NSD2: variants seen among roughly 807,000 people sequenced by gnomAD.
The protein encoded by NSD2 is histone-lysine N-methyltransferase NSD2.
NSD2 carries 12 observed loss-of-function variants against 139.0 expected under a neutral mutation model. The observed-to-expected ratio is 0.09, with a 90% CI of 0.06 to 0.14. The LOEUF is 0.14. Among genes scored for constraint, NSD2 ranks in the 10% least tolerant of loss-of-function variants. The probability of loss-of-function intolerance (pLI) is 1.00; values close to 1 mark genes in which losing one functional copy is unlikely to be tolerated. For missense variants in NSD2, 1,155 were observed against 1,745.0 expected, an observed-to-expected ratio of 0.66 and a Z score of 6.02; for synonymous variants, 669 against 648.7, an observed-to-expected ratio of 1.03 and a Z score of -0.48.
chr4:1,880,268 A>G (rs1714604556), intron 1 of NSD2, among the ~76,000 whole-genome samples: 1 of 152,144 alleles, frequency 6.6e-6, no homozygotes, highest in Non-Finnish European at 1.5e-5. Context: ...GATGTCAAGT[A>G]ACTGATCCAA....
chr4:1,916,330 C>G (rs1425379592), intron 3 of NSD2, among the ~76,000 whole-genome samples: 1 of 152,052 alleles, frequency 6.6e-6, no homozygotes, highest in African/African-American at 2.4e-5. Flanking sequence ...TAGCTTTTTT[C>G]TTTTTCTTTT....
chr4:1,970,730 A>AG (rs1726373495), intron 18 of NSD2, among the ~76,000 whole-genome samples: 1 of 152,084 alleles, frequency 6.6e-6, no homozygotes, highest in Admixed American at 6.5e-5. Flanking sequence ...CGGTTGAGGG[A>AG]GGGGGTCCAG....
intron 1 of NSD2, among the ~76,000 whole-genome samples, chr4:1,878,096 T>C (rs1714395311): frequency 6.6e-6 from 1 of 150,784 alleles, no homozygotes; most frequent in African/African-American, 2.4e-5. Flanking sequence ...AGTCTAACTC[T>C]GTCACCCAGG....
chr4:1,919,839 G>A (rs1719887146), intron 5 of NSD2, among the ~76,000 whole-genome samples: 1 of 152,080 alleles, frequency 6.6e-6, no homozygotes. Context: ...AGGAGGCTGA[G>A]GCAGGAAAAT....
chr4:1,969,935 G>C (rs527722073), intron 18 of NSD2, among the ~76,000 whole-genome samples: 1 of 152,310 alleles, frequency 6.6e-6, no homozygotes, highest in South Asian at 2.1e-4. Flanking sequence ...TCTAAGCAAA[G>C]CCTAAACCTC....
At chr4:1,939,342 G>C in intron 8 of NSD2, 1 of 348,104 alleles carries the variant, frequency 2.9e-6, no homozygotes, top group Non-Finnish European at 5.4e-6. Flanking sequence ...ACTTCTTATG[G>C]ATGAAATGAT....
intron 1 of NSD2, among the ~76,000 whole-genome samples, chr4:1,885,297 G>A (rs946285514): frequency 1.3e-5 from 2 of 152,096 alleles, no homozygotes; most frequent in African/African-American, 4.8e-5. Context: ...TCAGTAAAGG[G>A]CAGAAACAAG....
At chr4:1,947,446 C>T (rs953555514) in intron 9 of NSD2, 2 of 1,059,154 alleles carry the variant, frequency 1.9e-6, no homozygotes, top group East Asian at 5.2e-5. Flanking sequence ...TTCTCAGAGA[C>T]TCACCCCCAG....
intron 1 of NSD2, among the ~76,000 whole-genome samples, chr4:1,899,865 G>A (rs1017792371): frequency 6.6e-6 from 1 of 152,216 alleles, no homozygotes; most frequent in Non-Finnish European, 1.5e-5. Flanking sequence ...TTAATCTTCA[G>A]GTAGTAGCTA....
In NSD2 at chr4:1,948,708, T is replaced by G. The variant is rs1189615163; in HGVS notation, c.1882-2364T>G. ...ATATATTTCCATTCAAAATATGTATTCAGTGTTTATTTCCTCAAAACAGAC... is the reference window on the plus strand; with the variant it reads ...ATATATTTCCATTCAAAATATGTATGCAGTGTTTATTTCCTCAAAACAGAC... On this transcript the variant is annotated intron_variant, in intron 9 of 21. Transcript: ENST00000508803. This position sits in a 1 kb window ranked among gnomAD's most constrained non-coding sequence, Gnocchi z 4.5. The G allele has an allele frequency of 9.5e-7, 1 of 1,053,228 alleles. No individual in the cohort carries two copies. Among genetic ancestry groups the G allele is most frequent in the Non-Finnish European group, 1.1e-6 (1 of 870,674 alleles). 65.2% of individuals were successfully genotyped at this position (1,053,228 alleles called of 1,614,324 possible). A position where few individuals can be genotyped will look rare whatever the true frequency, so the allele number is the denominator to read the frequency against.
intron 9 of NSD2, chr4:1,943,314 A>T (rs1168546305): frequency 9.6e-7 from 1 of 1,043,796 alleles, no homozygotes; most frequent in Non-Finnish European, 1.2e-6. Flanking sequence ...TTTCTGACTA[A>T]TATTTTGTTG....
At chr4:1,890,752 C>T (rs1715465980) in intron 1 of NSD2, among the ~76,000 whole-genome samples, 2 of 152,066 alleles carry the variant, frequency 1.3e-5, no homozygotes, top group South Asian at 4.2e-4. Flanking sequence ...GCGCCCACCA[C>T]CACGCTTGGC....
intron 1 of NSD2, among the ~76,000 whole-genome samples, chr4:1,873,141 A>C (rs1408084715): frequency 6.6e-6 from 1 of 152,178 alleles, no homozygotes; most frequent in African/African-American, 2.4e-5. Context: ...ACCCAAACCC[A>C]GCAACCTTCA....
At chr4:1,953,061 G>T in intron 11 of NSD2, 1 of 1,457,546 alleles carries the variant, frequency 6.9e-7, no homozygotes, top group South Asian at 1.5e-5. Flanking sequence ...GTTAGACTGG[G>T]CCTCCCCAGC....
rs149058952 is a variant in NSD2 at position 1,947,909 on chromosome 4, T to A, written c.1882-3163T>A. On this transcript the variant is annotated intron_variant, in intron 9 of 21. Coordinates refer to ENST00000508803, the MANE Select transcript of NSD2 (RefSeq NM_001042424.3). The stretch of plus-strand genomic sequence containing the variant: ...TGAAGAGTAGGTGAGCGCTTTGCAG[T>A]CACAGAAGGTGGCATCTGACTGCGG... 12 of 1,056,142 alleles carry A rather than the reference T, an allele frequency of 1.1e-5. No homozygotes were observed. The East Asian group carries it at 6.3e-4, about 56-fold the overall frequency. 65.4% of individuals were successfully genotyped at this position (1,056,142 alleles called of 1,614,324 possible). A position where few individuals can be genotyped will look rare whatever the true frequency, so the allele number is the denominator to read the frequency against.
chr4:1,906,654 CTTTTTTTTT>C (rs537619996), intron 3 of NSD2, among the ~76,000 whole-genome samples: 9 of 99,910 alleles, frequency 9.0e-5, no homozygotes, highest in Admixed American at 2.4e-4. Flanking sequence ...CTCTCTCTCT[CTTTTTTTTT>C]TTTTTTTTTT....
rs71589624 is a variant in NSD2 at position 1,878,251 on chromosome 4, A to ATT, written c.-30+6741_-30+6742dup. ...GATATATATATATATATATATATAT[A>ATT]TTTTTTTTTTTTTTTTTTTTTTTTT... On this transcript the variant is annotated intron_variant, in intron 1 of 21. Coordinates refer to ENST00000508803, the MANE Select transcript of NSD2 (RefSeq NM_001042424.3). Among the ~76,000 whole-genome samples, 76 of 29,302 alleles carry ATT rather than the reference A, an allele frequency of 2.6e-3. 3 individuals are homozygous for ATT. Among genetic ancestry groups the ATT allele is most frequent in the South Asian group, 5.9e-3 (2 of 338 alleles). The allele number at this position is 29,302 out of a possible 152,430, so 19.2% of individuals were successfully genotyped here.
intron 5 of NSD2, among the ~76,000 whole-genome samples, chr4:1,922,172 A>G (rs1157713272): frequency 1.3e-5 from 2 of 152,210 alleles, no homozygotes; most frequent in East Asian, 3.8e-4. Context: ...CAGTATTATA[A>G]AGGAATAAAT....
chr4:1,939,429 G>A (rs553383211), intron 8 of NSD2: 67 of 567,102 alleles, frequency 1.2e-4, no homozygotes, highest in Non-Finnish European at 1.7e-4. Flanking sequence ...CTGGCCCCAG[G>A]TTGATGTTTT....
Sources: allele counts gnomAD v4.1 joint callset (sites outside exome capture counted in the v4.1 genomes callset), GRCh38; gene constraint gnomAD v4.1.1; non-coding constraint Gnocchi (gnomAD v3.1); transcripts MANE v1.5; gene names NCBI Gene and HGNC (gene_info 2026-07-23, HGNC 2026-07-21).